GLI3: variants seen among roughly 807,000 people sequenced by gnomAD.
The protein encoded by GLI3 is GLI family zinc finger 3, also known as transcription activator GLI3.
Under a neutral mutation model 100.8 loss-of-function variants are expected in GLI3, and 20 were observed. That is an observed-to-expected ratio of 0.20 (90% CI 0.14 to 0.29). GLI3 has a LOEUF of 0.29. GLI3 is among the 10% of genes least tolerant of loss of function. GLI3 has a pLI of 1.00. For synonymous variants in GLI3, 938 were observed against 860.5 expected (o/e 1.09, Z -1.58); for missense variants, 2,040 against 2,128.5 (o/e 0.96, Z 0.82).
In GLI3 at chr7:42,237,143, G is replaced by A. The variant is rs1294803566; in HGVS notation, c.-215C>T. ...ATGGTGCGGCGCGGGCGGCCGCGGG[G>A]CGCGCGGGGAAGGCGGGAGAGCGGC... On this transcript the variant is annotated 5_prime_UTR_variant, in exon 1 of 15. Coordinates refer to ENST00000395925, the MANE Select transcript of GLI3 (RefSeq NM_000168.6). The A allele has an allele frequency of 6.7e-6, 1 of 148,818 alleles. No homozygotes were observed. Among genetic ancestry groups the A allele is most frequent in the African/African-American group, 2.4e-5 (1 of 41,018 alleles). 9.2% of individuals were successfully genotyped at this position (148,818 alleles called of 1,614,324 possible).
chr7:42,163,886 T>C (rs1016043086), intron 2 of GLI3, among the ~76,000 whole-genome samples: 1 of 152,230 alleles, frequency 6.6e-6, no homozygotes, highest in African/African-American at 2.4e-5. Context: ...TTTAATGGCT[T>C]CCTTACTGTG....
intron 3 of GLI3, among the ~76,000 whole-genome samples, chr7:42,135,889 T>C (rs1786416872): frequency 1.3e-5 from 2 of 152,214 alleles, no homozygotes; most frequent in South Asian, 4.1e-4. Context: ...TCACTTTTTT[T>C]CTCTTTCTCT....
chr7:42,121,559 T>C (rs1346906429), intron 3 of GLI3, among the ~76,000 whole-genome samples: 2 of 152,196 alleles, frequency 1.3e-5, no homozygotes, highest in African/African-American at 4.8e-5. Context: ...ATTATCTCCA[T>C]GTAGAATTCC....
At chr7:42,131,844 C>T (rs1786284849) in intron 3 of GLI3, among the ~76,000 whole-genome samples, 1 of 151,984 alleles carries the variant, frequency 6.6e-6, no homozygotes, top group Admixed American at 6.5e-5. Context: ...AAGAAGAGGG[C>T]AGAGTATTAA....
chr7:42,173,714 T>G (rs1226865429), intron 2 of GLI3, among the ~76,000 whole-genome samples: 1 of 152,114 alleles, frequency 6.6e-6, no homozygotes, highest in Non-Finnish European at 1.5e-5. Flanking sequence ...GGGAACATGA[T>G]CAACTCTAGC....
chr7:42,264,200 C>A (rs186621304), upstream of GLI3, among the ~76,000 whole-genome samples: 4 of 152,308 alleles, frequency 2.6e-5, no homozygotes, highest in East Asian at 7.7e-4. Context: ...ACATGACACC[C>A]ACCTCTTGGC....
intron 7 of GLI3, among the ~76,000 whole-genome samples, chr7:42,027,306 T>C (rs1303830510): frequency 6.6e-6 from 1 of 152,098 alleles, no homozygotes; most frequent in African/African-American, 2.4e-5. Flanking sequence ...GGCTTAAAAA[T>C]GCATGAAAAA....
At chr7:41,989,070 A>G (rs534746604) in intron 10 of GLI3, among the ~76,000 whole-genome samples, 10 of 152,352 alleles carry the variant, frequency 6.6e-5, no homozygotes, top group Middle Eastern at 3.4e-3. Flanking sequence ...ATCCTTTTAA[A>G]TATCGACTTT....
chr7:41,973,025 CAGG>C (rs762980434), intron 12 of GLI3, among the ~76,000 whole-genome samples: 2 of 152,330 alleles, frequency 1.3e-5, no homozygotes, highest in East Asian at 1.9e-4. Context: ...ATCATCTAAT[CAGG>C]AGAAGACTGC....
At chr7:42,105,534 C>G (rs576303141) in intron 3 of GLI3, among the ~76,000 whole-genome samples, 1 of 151,776 alleles carries the variant, frequency 6.6e-6, no homozygotes, top group Non-Finnish European at 1.5e-5. Context: ...AGGATGACGC[C>G]GTGGGGAAGG....
At chr7:42,219,231 T>C (rs762099630) in intron 2 of GLI3, among the ~76,000 whole-genome samples, 8 of 152,318 alleles carry the variant, frequency 5.3e-5, no homozygotes, top group African/African-American at 1.4e-4. Flanking sequence ...TAAACCACAA[T>C]TGCATTTAAA....
chr7:42,219,024 ACT>A (rs1788431805), intron 2 of GLI3, among the ~76,000 whole-genome samples: 2 of 152,196 alleles, frequency 1.3e-5, no homozygotes, highest in Non-Finnish European at 2.9e-5. Flanking sequence ...GATGAAAAAA[ACT>A]CTTATTATTT....
chr7:41,965,053 G>A lies in GLI3; in HGVS notation c.4020C>T (p.Pro1340=), dbSNP rs35139358. The A allele has an allele frequency of 0.05, 79,978 of 1,613,830 alleles. 2,233 individuals carry two copies. The highest frequency in any genetic ancestry group is 0.057 in the Non-Finnish European group (67,244 of 1,179,974). The part of the protein sequence containing the change: ...DSMQHPGAGR[P]GQQMLGQISA... ...TAATCTGCCCAAGCATCTGCTGACC[G>A]GGGCGGCCTGCCCCCGGGTGCTGCA... The change falls in exon 15 of 15, where the codon CCC becomes CCT. Residue 1340 remains proline (P), a synonymous_variant. Coordinates refer to ENST00000395925, the MANE Select transcript of GLI3 (RefSeq NM_000168.6).
chr7:41,968,738 A>AAGAC (rs1491173793), intron 13 of GLI3, among the ~76,000 whole-genome samples: 1 of 120,050 alleles, frequency 8.3e-6, no homozygotes, highest in African/African-American at 4.6e-5. Context: ...GAAAGAAAGA[A>AAGAC]AGAAAGAAAG....
chr7:42,115,430 T>C (rs1257181565), intron 3 of GLI3, among the ~76,000 whole-genome samples: 1 of 152,180 alleles, frequency 6.6e-6, no homozygotes, highest in East Asian at 1.9e-4. Flanking sequence ...GTACCCACCG[T>C]GCCCAGCCCA....
At chr7:42,219,782 T>C (rs1029619) in intron 2 of GLI3, among the ~76,000 whole-genome samples, 68,803 of 151,920 alleles carry the variant, frequency 0.45, 16,814 homozygotes, top group East Asian at 0.76. Flanking sequence ...ATTTGTGTGA[T>C]TTTAATCATG....
chr7:42,155,589 T>C (rs750080159), intron 2 of GLI3, among the ~76,000 whole-genome samples: 36 of 152,128 alleles, frequency 2.4e-4, no homozygotes, highest in Non-Finnish European at 3.7e-4. Context: ...TGGAAACCAT[T>C]TGCTCCAAAG....
At chr7:42,132,201 C>T (rs996646462) in intron 3 of GLI3, among the ~76,000 whole-genome samples, 7 of 151,816 alleles carry the variant, frequency 4.6e-5, no homozygotes, top group South Asian at 2.1e-4. Flanking sequence ...CCTGGGTTCA[C>T]GCCATTCTCC....
At chr7:42,019,198 C>G (rs571146539) in intron 10 of GLI3, among the ~76,000 whole-genome samples, 2 of 152,220 alleles carry the variant, frequency 1.3e-5, no homozygotes, top group East Asian at 3.9e-4. Context: ...TAACCAGCCA[C>G]TCAGCAGTAA....
Sources: allele counts gnomAD v4.1 joint callset (sites outside exome capture counted in the v4.1 genomes callset), GRCh38; gene constraint gnomAD v4.1.1; transcripts MANE v1.5; gene names NCBI Gene and HGNC (gene_info 2026-07-23, HGNC 2026-07-21).